Variants in MBP observed in about 807,000 individuals in gnomAD.
MBP encodes myelin basic protein, also known as Golli-MBP.
MBP carries 16 observed loss-of-function variants against 35.8 expected under a neutral mutation model. The ratio of observed to expected loss-of-function variants is 0.45; its 90% CI spans 0.30 to 0.68. MBP has a LOEUF of 0.68. Ranked by LOEUF, MBP falls within the 30% of genes least tolerant of loss-of-function variation. The pLI, the probability that MBP is intolerant of heterozygous loss-of-function variation, is 0.08. For synonymous variants in MBP, 143 were observed against 159.6 expected (o/e 0.90, Z 0.78); for missense variants, 380 against 404.7 (o/e 0.94, Z 0.52).
rs182072664 is a variant in MBP, at chr18:77,103,932, G to A, written c.51+1279C>T. Among the ~76,000 whole-genome samples, 456 of 152,384 alleles carry A rather than the reference G, an allele frequency of 3.0e-3. 1 individual carries two copies. Among genetic ancestry groups the A allele is most frequent in the Non-Finnish European group, 5.2e-3 (356 of 68,036 alleles). ...AATAAGGCGGACAATGGCAAATGCCGTGCTAGAAATACAAAGAAGATGAAT... is the reference window on the plus strand; with the variant it reads ...AATAAGGCGGACAATGGCAAATGCCATGCTAGAAATACAAAGAAGATGAAT... On this transcript the variant is annotated intron_variant, in intron 2 of 8. Coordinates refer to ENST00000355994, the MANE Select transcript of MBP (RefSeq NM_001025101.2).
At chr18:77,038,398 G>A (rs1003330666) in intron 3 of MBP, among the ~76,000 whole-genome samples, 6 of 152,240 alleles carry the variant, frequency 3.9e-5, no homozygotes, top group African/African-American at 1.4e-4. Context: ...CATACATAGA[G>A]TGTATGTTAC....
At chr18:77,017,386 A>G (rs1971711812) in intron 3 of MBP, 118 bp from the exon 4 acceptor site, 9 of 917,996 alleles carry the variant, frequency 9.8e-6, no homozygotes, top group Non-Finnish European at 1.4e-5. Flanking sequence ...GAATATGTGC[A>G]GTCCTCATAA....
At chr18:77,039,622 A>T (rs555158523) in intron 3 of MBP, among the ~76,000 whole-genome samples, 1 of 152,250 alleles carries the variant, frequency 6.6e-6, no homozygotes, top group East Asian at 1.9e-4. Context: ...GGTGAACAGC[A>T]CCCCACATGC....
chr18:76,989,173 G>T lies in MBP; in HGVS notation c.682-261C>A, dbSNP rs1006613156. The T allele has an allele frequency of 6.1e-6, 4 of 656,036 alleles. No individual in the cohort carries two copies. Among genetic ancestry groups the T allele is most frequent in the Non-Finnish European group, 1.1e-5 (4 of 356,002 alleles). 40.6% of individuals were successfully genotyped at this position (656,036 alleles called of 1,614,324 possible). A position where few individuals can be genotyped will look rare whatever the true frequency, so the allele number is the denominator to read the frequency against. ...CACCTCCCAGAGGCTCCGTAGCTGG[G>T]GAATGGGCCCATCTTGGGACACTGA... On this transcript the variant is annotated intron_variant, in intron 5 of 8. Coordinates refer to ENST00000355994, the MANE Select transcript of MBP (RefSeq NM_001025101.2). The surrounding 1 kb of genome is among the most constrained non-coding windows in gnomAD (Gnocchi z 4.0).
intron 1 of MBP, among the ~76,000 whole-genome samples, chr18:77,105,626 TAC>T (rs906952657): frequency 6.6e-6 from 1 of 152,236 alleles, no homozygotes; most frequent in African/African-American, 2.4e-5. Flanking sequence ...CATACCTATG[TAC>T]ACACACAGAG....
Position 76,978,987 on chromosome 18 carries a change from T to C in MBP, c.*1440A>G, listed in dbSNP as rs1056345102. On this transcript the variant is annotated 3_prime_UTR_variant, in exon 9 of 9. Transcript: ENST00000355994. ...ACGCAGAGTGCTTCTGCTGAAAAATTTGGAGGTTTGTGTCTGGAGTTTTGT... is the reference window on the plus strand; with the variant it reads ...ACGCAGAGTGCTTCTGCTGAAAAATCTGGAGGTTTGTGTCTGGAGTTTTGT... 6 of 152,124 alleles carry C rather than the reference T, an allele frequency of 3.9e-5. No individual in the cohort carries two copies. Among genetic ancestry groups the C allele is most frequent in the African/African-American group, 1.2e-4 (5 of 41,422 alleles). 9.4% of individuals were successfully genotyped at this position (152,124 alleles called of 1,614,324 possible). A position where few individuals can be genotyped will look rare whatever the true frequency, so the allele number is the denominator to read the frequency against.
At chr18:77,093,033 C>T (rs1040535963) in intron 2 of MBP, 10 of 152,208 alleles carry the variant, frequency 6.6e-5, no homozygotes, top group Non-Finnish European at 1.3e-4. Flanking sequence ...GCAAACTGGG[C>T]CATAGTTTCT....
chr18:77,122,914 G>C (rs576624390), intron 1 of MBP, among the ~76,000 whole-genome samples: 1 of 152,110 alleles, frequency 6.6e-6, no homozygotes, highest in African/African-American at 2.4e-5. Flanking sequence ...CTCCTCTACC[G>C]AGCACAACCC....
At chr18:77,096,065 T>C (rs1269405193) in intron 2 of MBP, among the ~76,000 whole-genome samples, 1 of 152,204 alleles carries the variant, frequency 6.6e-6, no homozygotes, top group Non-Finnish European at 1.5e-5. Flanking sequence ...CCTGACAATC[T>C]CTTGCACGTA....
intron 3 of MBP, among the ~76,000 whole-genome samples, chr18:77,024,353 T>C (rs1216872329): frequency 2.6e-5 from 4 of 152,238 alleles, no homozygotes; most frequent in Non-Finnish European, 5.9e-5. Context: ...AAAGATTGGA[T>C]ACCCCGGTCT....
intron 4 of MBP, chr18:77,009,738 G>A: frequency 1.1e-6 from 1 of 952,192 alleles, no homozygotes; most frequent in East Asian, 2.8e-5. Context: ...CCGGAGGCTG[G>A]GGGTGGGCCC....
chr18:77,084,110 G>C (rs999165376), intron 2 of MBP, among the ~76,000 whole-genome samples: 3 of 151,922 alleles, frequency 2.0e-5, no homozygotes, highest in Non-Finnish European at 4.4e-5. Flanking sequence ...ATGTTGGAGG[G>C]AACTCAGGAA....
At position 77,057,824 on chromosome 18, in the gene MBP, G is replaced by GTTTT. The variant is rs780881071; in HGVS notation, c.139+8470_139+8473dup. Among the ~76,000 whole-genome samples the GTTTT allele has an allele frequency of 3.3e-4, 3 of 9,198 alleles. 1 individual carries two copies. Among genetic ancestry groups the GTTTT allele is most frequent in the African/African-American group, 2.5e-3 (3 of 1,208 alleles). The allele number at this position is 9,198 out of a possible 152,430, so 6.0% of individuals were successfully genotyped here. On this transcript the variant is annotated intron_variant, in intron 3 of 8. Transcript: ENST00000355994. ...GGGACACCTGAGGAAGGCGGGGAGT[G>GTTTT]TTTTTTTTTTTTTTTTTTTTGAGAC... is the stretch of plus-strand genomic sequence containing the variant.
At position 77,020,590 on chromosome 18, in the gene MBP, T is replaced by C. The variant is rs1167210022; in HGVS notation, c.140-3322A>G. On this transcript the variant is annotated intron_variant, in intron 3 of 8. Transcript: ENST00000355994. The surrounding 1 kb of genome is among the most constrained non-coding windows in gnomAD (Gnocchi z 4.1). ...TTTCCCAGCACATGCTGTGACCCCA[T>C]GTGTGACATGCTGTCTGTTAGGGAG... Among the ~76,000 whole-genome samples, 1 of 152,152 alleles carries C rather than the reference T, an allele frequency of 6.6e-6. No individual in the cohort carries two copies. Among genetic ancestry groups the C allele is most frequent in the Non-Finnish European group, 1.5e-5 (1 of 68,008 alleles).
rs1404325489 is a variant in MBP, at chr18:77,017,096, G to C, written c.312C>G (p.Asp104Glu). The C allele has an allele frequency of 1.2e-6, 2 of 1,603,424 alleles. No homozygotes were observed. Among genetic ancestry groups the C allele is most frequent in the Non-Finnish European group, 1.7e-6 (2 of 1,171,762 alleles). ...CAGAGGGCCTGTCTTTGAAGGTGTT[G>C]TCCTCCCTCCCCGGGGCATCTCGGG... ...LFSRDAPGRE[D>E]NTFKDRPSES... Residue 104 changes from aspartate to glutamate, a missense_variant, in exon 4 of 9, where the codon GAC (aspartate) becomes GAG (glutamate). Physicochemically the swap from Asp to Glu is conservative, Grantham distance 45 (BLOSUM62 2). Coordinates refer to ENST00000355994, the MANE Select transcript of MBP (RefSeq NM_001025101.2).
At chr18:77,031,985 AACG>A (rs1331055854) in intron 3 of MBP, among the ~76,000 whole-genome samples, 2 of 152,226 alleles carry the variant, frequency 1.3e-5, no homozygotes, top group African/African-American at 4.8e-5. Flanking sequence ...GAGCGATGGC[AACG>A]ACAACAAGTG....
At chr18:77,023,948 C>T (rs1304543654) in intron 3 of MBP, among the ~76,000 whole-genome samples, 3 of 152,222 alleles carry the variant, frequency 2.0e-5, no homozygotes, top group Non-Finnish European at 2.9e-5. Flanking sequence ...TGGTGTGGGG[C>T]CTCCACAGAT....
At chr18:77,055,980 T>G (rs1297384012) in intron 3 of MBP, among the ~76,000 whole-genome samples, 1 of 152,240 alleles carries the variant, frequency 6.6e-6, no homozygotes, top group African/African-American at 2.4e-5. Context: ...CCTCCCCGAC[T>G]CCTCTTACAC....
At chr18:77,092,713 A>T (rs886180911) in intron 2 of MBP, among the ~76,000 whole-genome samples, 2 of 152,204 alleles carry the variant, frequency 1.3e-5, no homozygotes, top group Non-Finnish European at 1.5e-5. Flanking sequence ...AGGAAGAAAT[A>T]AGGAAGGGGG....
Sources: allele counts gnomAD v4.1 joint callset (sites outside exome capture counted in the v4.1 genomes callset), GRCh38; gene constraint gnomAD v4.1.1; non-coding constraint Gnocchi (gnomAD v3.1); transcripts MANE v1.5; gene names NCBI Gene and HGNC (gene_info 2026-07-23, HGNC 2026-07-21).